The following EHMT1 variants were observed in gnomAD, a reference collection of about 807,000 sequenced individuals.
EHMT1 encodes euchromatic histone lysine methyltransferase 1.
Under a neutral mutation model 147.2 loss-of-function variants are expected in EHMT1, and 15 were observed. The observed-to-expected ratio is 0.10, with a 90% CI of 0.07 to 0.16. The LOEUF (loss-of-function observed/expected upper bound fraction) is 0.16, where lower values mean the gene tolerates loss of function less well. Among genes scored for constraint, EHMT1 ranks in the 10% least tolerant of loss-of-function variants. The probability of loss-of-function intolerance (pLI) is 1.00; values close to 1 mark genes in which losing one functional copy is unlikely to be tolerated. For missense variants in EHMT1, 1,587 were observed against 1,772.4 expected (o/e 0.90, Z 1.88); for synonymous variants, 795 against 709.6 (o/e 1.12, Z -1.91).
chr9:137,679,589 ATGTC>A (rs1377444732), intron 1 of EHMT1, among the ~76,000 whole-genome samples: 1 of 151,952 alleles, frequency 6.6e-6, no homozygotes, highest in Non-Finnish European at 1.5e-5. Flanking sequence ...ATTTTCCTGT[ATGTC>A]TGTTGGCCAT....
chr9:137,734,488 A>T (rs189167362), intron 4 of EHMT1, among the ~76,000 whole-genome samples: 1 of 152,216 alleles, frequency 6.6e-6, no homozygotes, highest in African/African-American at 2.4e-5. Flanking sequence ...GAGCCTGGGG[A>T]CCTGTGGGCA....
intron 1 of EHMT1, among the ~76,000 whole-genome samples, chr9:137,687,202 G>A (rs1244556741): frequency 6.6e-6 from 1 of 152,190 alleles, no homozygotes; most frequent in African/African-American, 2.4e-5. Context: ...CTTTTTGCCA[G>A]TAACACACTG....
intron 25 of EHMT1, chr9:137,834,057 G>A (rs1022070489): frequency 5.2e-5 from 26 of 504,168 alleles, no homozygotes; most frequent in Non-Finnish European, 9.4e-5. Flanking sequence ...ACATTCCACC[G>A]CGCTGGAAGC....
intron 1 of EHMT1, among the ~76,000 whole-genome samples, chr9:137,673,918 C>T (rs1038188738): frequency 2.6e-5 from 4 of 152,198 alleles, no homozygotes; most frequent in Non-Finnish European, 5.9e-5. Context: ...CTGTGGGTCC[C>T]TCCTAGGGCT....
At chr9:137,834,316 A>C in intron 25 of EHMT1, 33 bp from the exon 26 acceptor site, 1 of 1,610,280 alleles carries the variant, frequency 6.2e-7, no homozygotes, top group Non-Finnish European at 8.5e-7. Context: ...GGGCCTTGCT[A>C]ACTGCAGCCC....
chr9:137,620,251 T>G (rs1450246077), intron 1 of EHMT1, among the ~76,000 whole-genome samples: 1 of 152,162 alleles, frequency 6.6e-6, no homozygotes, highest in Non-Finnish European at 1.5e-5. Flanking sequence ...AAATTTCAAG[T>G]CACTTCTAGG....
At chr9:137,644,525 G>T (rs1042643754) in intron 1 of EHMT1, among the ~76,000 whole-genome samples, 16 of 152,066 alleles carry the variant, frequency 1.1e-4, no homozygotes, top group Middle Eastern at 3.4e-3. Context: ...ACGGGGTTTC[G>T]CCATATTGGC....
Position 137,737,915 on chromosome 9 carries a change from C to T in EHMT1, c.824-5456C>T, listed in dbSNP as rs146245970. ...TGATTAAAAAATCAGCAAAGGAGGCCGGGTGCAGTGGCTTGCGCCTGTAAT... is the reference window on the plus strand; with the variant it reads ...TGATTAAAAAATCAGCAAAGGAGGCTGGGTGCAGTGGCTTGCGCCTGTAAT... On this transcript the variant is annotated intron_variant, in intron 4 of 26. Transcript: ENST00000460843. Among the ~76,000 whole-genome samples the T allele has an allele frequency of 2.0e-3, 309 of 152,226 alleles. 2 individuals are homozygous for T. Among genetic ancestry groups the T allele is most frequent in the African/African-American group, 7.1e-3 (296 of 41,516 alleles).
At chr9:137,675,612 G>T (rs4559316) in intron 1 of EHMT1, among the ~76,000 whole-genome samples, 10 of 136,878 alleles carry the variant, frequency 7.3e-5, no homozygotes, top group Non-Finnish European at 1.4e-4. Flanking sequence ...TACAGGTGCC[G>T]GCCACCACGC....
chr9:137,799,183 A>C (rs372251110), intron 17 of EHMT1, among the ~76,000 whole-genome samples: 189 of 149,648 alleles, frequency 1.3e-3, no homozygotes, highest in African/African-American at 4.6e-3. Flanking sequence ...CGCCTTCCAC[A>C]CACAGGGTTA....
rs776629953 is a variant in EHMT1 at position 137,754,250 on chromosome 9, A to G, written c.1328A>G (p.Lys443Arg). 6.2e-7 allele frequency: 1 copy of G among 1,614,122 alleles called. No individual in the cohort carries two copies. The highest frequency in any genetic ancestry group is 1.1e-5 in the South Asian group (1 of 91,086). The change falls in exon 8 of 27, where the codon AAA (lysine) becomes AGA (arginine). Residue 443 changes from lysine to arginine, a missense_variant. Coordinates refer to ENST00000460843, the MANE Select transcript of EHMT1 (RefSeq NM_024757.5). ...TDSPWIKPARKRRRRSRKKPS... is the reference protein window; with the variant it reads ...TDSPWIKPARRRRRRSRKKPS... ...AGTCCCTGGATCAAGCCAGCCAGGA[A>G]AAGGAGGCGGAGAAGTAGAAAGAAG...
intron 25 of EHMT1, among the ~76,000 whole-genome samples, chr9:137,820,585 C>G (rs1955332338): frequency 1.3e-5 from 2 of 152,060 alleles, no homozygotes; most frequent in Non-Finnish European, 2.9e-5. Flanking sequence ...TGAATATTTC[C>G]CAGAAACGGT....
At chr9:137,669,511 C>G (rs1670184328) in intron 1 of EHMT1, among the ~76,000 whole-genome samples, 1 of 4,876 alleles carries the variant, frequency 2.1e-4, no homozygotes, top group Non-Finnish European at 4.8e-4. Context: ...CAAGACGCCC[C>G]GCACAGCACG....
intron 25 of EHMT1, among the ~76,000 whole-genome samples, chr9:137,833,726 G>T (rs1434898268): frequency 6.6e-6 from 1 of 152,260 alleles, no homozygotes; most frequent in African/African-American, 2.4e-5. Context: ...AGGCACCAGG[G>T]TGAGGAGGAC....
intron 4 of EHMT1, 179 bp from the exon 5 acceptor site, chr9:137,743,192 C>T (rs1349592832): frequency 1.5e-5 from 10 of 647,128 alleles, no homozygotes; most frequent in African/African-American, 1.8e-5. Flanking sequence ...GTGAATTGAT[C>T]GTGAGGGAAG....
At chr9:137,684,405 GA>G (rs984915018) in intron 1 of EHMT1, among the ~76,000 whole-genome samples, 4 of 152,136 alleles carry the variant, frequency 2.6e-5, no homozygotes, top group South Asian at 2.1e-4. Context: ...TGTTTTTCTT[GA>G]GCCGTTTGAA....
At chr9:137,821,770 CATTTACTACCTT>C (rs1217932966) in intron 25 of EHMT1, among the ~76,000 whole-genome samples, 2 of 152,166 alleles carry the variant, frequency 1.3e-5, no homozygotes, top group Non-Finnish European at 2.9e-5. Flanking sequence ...AAAAATGAGG[CATTTACTACCTT>C]GTTTACTAGT....
At position 137,817,440 on chromosome 9, in the gene EHMT1, G is replaced by T. The variant is rs756364507; in HGVS notation, c.3376G>T (p.Ala1126Ser). 1.9e-6 allele frequency: 3 copies of T among 1,614,154 alleles called. No homozygotes were observed. The highest frequency in any genetic ancestry group is 1.7e-6 in the Non-Finnish European group (2 of 1,180,030). Reference sequence around the variant, plus strand: ...TCACCACTACTCTCTATTTTTCAGGGCAAGGCTGCAGCTCTACCGGACGCG... The same window carrying T: ...TCACCACTACTCTCTATTTTTCAGGTCAAGGCTGCAGCTCTACCGGACGCG... Reference protein sequence around the residue: ...RNRVVQNGLRARLQLYRTRDM... With the variant: ...RNRVVQNGLRSRLQLYRTRDM... Residue 1126 changes from alanine to serine, a missense_variant and splice_region_variant, in exon 24 of 27, where the codon GCA (alanine) becomes TCA (serine). Ala to Ser is a moderately conservative substitution (Grantham distance 99, BLOSUM62 1). This residue lies in a region of EHMT1 where 156 missense variants were observed against 252.5 expected (regional missense o/e 0.62). Transcript: ENST00000460843.
At chr9:137,800,419 A>C in intron 17 of EHMT1, 1 of 217,322 alleles carries the variant, frequency 4.6e-6, no homozygotes, top group Non-Finnish European at 9.3e-6. Context: ...GCTCTCCTGC[A>C]CGGAGCCACC....
Sources: allele counts gnomAD v4.1 joint callset (sites outside exome capture counted in the v4.1 genomes callset), GRCh38; gene constraint gnomAD v4.1.1; regional missense constraint gnomAD v4.1.1; transcripts MANE v1.5; gene names NCBI Gene and HGNC (gene_info 2026-07-23, HGNC 2026-07-21).